C10orf67: variants seen among roughly 807,000 people sequenced by gnomAD.
C10orf67 encodes the protein chromosome 10 open reading frame 67.
In C10orf67, 60 loss-of-function variants were observed where a neutral mutation model predicts 35.6. That is an observed-to-expected ratio of 1.68 (90% CI 1.37 to 2.09). C10orf67 has a LOEUF of 2.09. Among genes scored for constraint, C10orf67 ranks in the 30% most tolerant of loss-of-function variants. The pLI is 0.00. For missense variants in C10orf67, 474 were observed against 330.2 expected (o/e 1.44, Z -3.38); for synonymous variants, 167 against 115.8 (o/e 1.44, Z -2.84).
intron 10 of C10orf67, among the ~76,000 whole-genome samples, chr10:23,265,548 TCA>T (rs1255732654): frequency 6.6e-6 from 1 of 152,188 alleles, no homozygotes; most frequent in African/African-American, 2.4e-5. Flanking sequence ...CTTACACAAT[TCA>T]CAGTGTCCAC....
chr10:23,320,260 C>T (rs558487201), intron 4 of C10orf67, among the ~76,000 whole-genome samples: 1 of 152,298 alleles, frequency 6.6e-6, no homozygotes, highest in South Asian at 2.1e-4. Context: ...GTTATAAATG[C>T]TAAACAAAGC....
intron 15 of C10orf67, among the ~76,000 whole-genome samples, chr10:23,212,172 C>T (rs1431599022): frequency 6.6e-6 from 1 of 152,252 alleles, no homozygotes; most frequent in South Asian, 2.1e-4. Flanking sequence ...ATGTCATCTA[C>T]AGGTAAAGGA....
chr10:23,243,922 C>T (rs1005233672), intron 12 of C10orf67, among the ~76,000 whole-genome samples: 3 of 152,102 alleles, frequency 2.0e-5, no homozygotes, highest in African/African-American at 7.2e-5. Flanking sequence ...GAAAAGGTCC[C>T]ACTCTGTCAC....
At chr10:23,300,453 A>G (rs1844037654) in intron 5 of C10orf67, among the ~76,000 whole-genome samples, 1 of 152,106 alleles carries the variant, frequency 6.6e-6, no homozygotes, top group Admixed American at 6.6e-5. Flanking sequence ...GCCAAGTTCA[A>G]TAGAGTTTCT....
At chr10:23,305,882 C>G (rs1319138822) in intron 4 of C10orf67, among the ~76,000 whole-genome samples, 1 of 152,036 alleles carries the variant, frequency 6.6e-6, no homozygotes, top group Non-Finnish European at 1.5e-5. Context: ...TTCCTATGTT[C>G]ATTACAGCAT....
chr10:23,261,559 G>A (rs1842750950), intron 10 of C10orf67, among the ~76,000 whole-genome samples: 1 of 152,148 alleles, frequency 6.6e-6, no homozygotes, highest in Non-Finnish European at 1.5e-5. Context: ...TGATCCTCCT[G>A]CCTCCGCCTC....
At chr10:23,317,309 G>C (rs1339863791) in intron 4 of C10orf67, 3 of 152,378 alleles carry the variant, frequency 2.0e-5, no homozygotes, top group Non-Finnish European at 4.4e-5. Flanking sequence ...AGGCCAGGCA[G>C]CAGGAGTAGG....
At chr10:23,237,868 C>T (rs536253870) in intron 13 of C10orf67, among the ~76,000 whole-genome samples, 25 of 152,160 alleles carry the variant, frequency 1.6e-4, no homozygotes, top group Non-Finnish European at 3.2e-4. Context: ...ATGATGGTTA[C>T]AAAGCAAAAC....
intron 13 of C10orf67, 109 bp from the exon 14 acceptor site, chr10:23,223,927 C>T (rs916991194): frequency 1.5e-6 from 1 of 654,226 alleles, no homozygotes; most frequent in Non-Finnish European, 2.8e-6. Context: ...GGAAACTATG[C>T]TTGTCACTTA....
In C10orf67 at chr10:23,333,225, T is replaced by A. The variant is rs771660697; in HGVS notation, c.207-43A>T. The A allele has an allele frequency of 6.6e-6, 10 of 1,520,440 alleles. No homozygotes were observed. The East Asian group carries it at 2.0e-4, about 31-fold the overall frequency. 94.2% of individuals were successfully genotyped at this position (1,520,440 alleles called of 1,614,324 possible). A position where few individuals can be genotyped will look rare whatever the true frequency, so the allele number is the denominator to read the frequency against. ...GAAATGTGCTTTAAGTCATAGATAT[T>A]TTCTTAGAAATAGATGTTAATGCGT... On this transcript the variant is annotated intron_variant, in intron 1 of 15. Coordinates refer to ENST00000636213, the MANE Select transcript of C10orf67 (RefSeq NM_001371909.1).
At chr10:23,278,930 G>A (rs1034159118) in intron 8 of C10orf67, among the ~76,000 whole-genome samples, 32 of 152,162 alleles carry the variant, frequency 2.1e-4, no homozygotes, top group Admixed American at 2.0e-3. Flanking sequence ...CCTTTCACAA[G>A]GTTTGCCTTC....
chr10:23,306,557 G>A (rs1001281783), intron 4 of C10orf67, among the ~76,000 whole-genome samples: 10 of 151,566 alleles, frequency 6.6e-5, no homozygotes, highest in African/African-American at 2.4e-4. Flanking sequence ...AAAAAGAATG[G>A]TGGTTGACAA....
At chr10:23,319,966 G>C (rs894710294) in intron 4 of C10orf67, among the ~76,000 whole-genome samples, 1 of 152,198 alleles carries the variant, frequency 6.6e-6, no homozygotes. Context: ...CGTCACCACT[G>C]TCTGCCACAG....
chr10:23,300,328 C>T (rs1387827186), intron 5 of C10orf67, among the ~76,000 whole-genome samples: 1 of 152,154 alleles, frequency 6.6e-6, no homozygotes, highest in Admixed American at 6.5e-5. Flanking sequence ...TTCCCTTTTC[C>T]AGAGCCTCCA....
intron 15 of C10orf67, among the ~76,000 whole-genome samples, chr10:23,214,531 TA>T (rs1484846824): frequency 1.5e-4 from 23 of 151,876 alleles, no homozygotes; most frequent in African/African-American, 5.6e-4. Context: ...GTAATAAAAA[TA>T]AAAAATGAGT....
At chr10:23,264,354 T>C (rs960926557) in intron 10 of C10orf67, among the ~76,000 whole-genome samples, 1 of 152,168 alleles carries the variant, frequency 6.6e-6, no homozygotes, top group Non-Finnish European at 1.5e-5. Flanking sequence ...CATAGAAATA[T>C]GTAAACCCAG....
At chr10:23,228,026 T>C (rs1251506639) in intron 13 of C10orf67, among the ~76,000 whole-genome samples, 1 of 152,156 alleles carries the variant, frequency 6.6e-6, no homozygotes, top group East Asian at 1.9e-4. Context: ...AGGGAATTTA[T>C]AGATTCAATG....
chr10:23,264,466 C>T (rs986715903), intron 10 of C10orf67, among the ~76,000 whole-genome samples: 2 of 152,128 alleles, frequency 1.3e-5, no homozygotes, highest in East Asian at 3.9e-4. Flanking sequence ...TGGAGATACC[C>T]AGGCCACAAT....
chr10:23,265,859 C>T (rs1253633872), intron 10 of C10orf67, among the ~76,000 whole-genome samples: 1 of 152,176 alleles, frequency 6.6e-6, no homozygotes, highest in Non-Finnish European at 1.5e-5. Context: ...GTGATTTCAT[C>T]CAGTTGTAGG....
Sources: allele counts gnomAD v4.1 joint callset (sites outside exome capture counted in the v4.1 genomes callset), GRCh38; gene constraint gnomAD v4.1.1; transcripts MANE v1.5; gene names NCBI Gene and HGNC (gene_info 2026-07-23, HGNC 2026-07-21).